Variants in MACROD1 observed in about 807,000 individuals in gnomAD.
The protein encoded by MACROD1 is ADP-ribose glycohydrolase MACROD1.
Under a neutral mutation model 41.4 loss-of-function variants are expected in MACROD1, and 31 were observed. That is an observed-to-expected ratio of 0.75 (90% CI 0.56 to 1.01). The LOEUF is 1.01. Among genes scored for constraint, MACROD1 ranks in the 50% least tolerant of loss-of-function variants. The probability of loss-of-function intolerance (pLI) is 0.00; values close to 1 mark genes in which losing one functional copy is unlikely to be tolerated. For missense variants in MACROD1, 473 were observed against 460.0 expected (o/e 1.03, Z -0.26); for synonymous variants, 252 against 203.4 (o/e 1.24, Z -2.03).
At chr11:64,001,204 A>G in intron 4 of MACROD1, 1 of 572,582 alleles carries the variant, frequency 1.7e-6, no homozygotes. Context: ...GGCCTCAGGC[A>G]GGCCTGGGTC....
At chr11:64,159,320 GAAA>G (rs34061690) in intron 1 of MACROD1, among the ~76,000 whole-genome samples, 11 of 103,958 alleles carry the variant, frequency 1.1e-4, no homozygotes, top group African/African-American at 1.1e-4. Flanking sequence ...CTCCGTCTCA[GAAA>G]AAAAAAAAAA....
At chr11:64,145,395 G>A (rs1216667817) in intron 3 of MACROD1, among the ~76,000 whole-genome samples, 2 of 152,120 alleles carry the variant, frequency 1.3e-5, no homozygotes, top group South Asian at 4.1e-4. Flanking sequence ...ATTATACTCT[G>A]CTTAGTAGCT....
intron 3 of MACROD1, among the ~76,000 whole-genome samples, chr11:64,138,108 G>A (rs1003978661): frequency 4.6e-5 from 7 of 152,226 alleles, no homozygotes; most frequent in Non-Finnish European, 7.3e-5. Context: ...AGGTTCAGGG[G>A]AGAGGTGTAT....
Position 64,152,285 on chromosome 11 carries a change from G to A in MACROD1, c.400+7C>T, listed in dbSNP as rs1945592318. The stretch of plus-strand genomic sequence containing the variant: ...GCCCACCAGGGCCTCCCCCGAGCAG[G>A]GCCTACCTTTCGCCATCTCCTTCCA... On this transcript the variant is annotated splice_region_variant and intron_variant, in intron 2 of 10. Transcript: ENST00000255681. 2 of 1,613,854 alleles carry A rather than the reference G, an allele frequency of 1.2e-6. No homozygotes were observed. The highest frequency in any genetic ancestry group is 1.1e-5 in the South Asian group (1 of 91,084).
chr11:64,028,014 G>A (rs1398547719), intron 3 of MACROD1, among the ~76,000 whole-genome samples: 1 of 152,226 alleles, frequency 6.6e-6, no homozygotes, highest in African/African-American at 2.4e-5. Flanking sequence ...AGGAAGCACC[G>A]TCCTCTGCCT....
At chr11:64,056,336 C>T (rs576962892) in intron 3 of MACROD1, among the ~76,000 whole-genome samples, 6 of 152,240 alleles carry the variant, frequency 3.9e-5, no homozygotes, top group African/African-American at 7.2e-5. Flanking sequence ...CCCGCTACCC[C>T]GCCACTCCCC....
chr11:64,026,354 G>A (rs975168259), intron 3 of MACROD1, among the ~76,000 whole-genome samples: 1 of 152,076 alleles, frequency 6.6e-6, no homozygotes, highest in African/African-American at 2.4e-5. Flanking sequence ...ATGTTCCATG[G>A]TGGAACTACC....
chr11:64,023,633 TG>T, intron 3 of MACROD1, among the ~76,000 whole-genome samples: 1 of 152,004 alleles, frequency 6.6e-6, no homozygotes, highest in Non-Finnish European at 1.5e-5. Context: ...GCTGCTGGGG[TG>T]GTACCCAGCT....
chr11:64,112,468 C>T (rs367592056), intron 3 of MACROD1, among the ~76,000 whole-genome samples: 7 of 152,168 alleles, frequency 4.6e-5, no homozygotes, highest in African/African-American at 7.2e-5. Flanking sequence ...GACCCAAGAT[C>T]GCTCCACTGC....
At chr11:64,152,006 G>A (rs1945586553) in intron 2 of MACROD1, among the ~76,000 whole-genome samples, 1 of 152,188 alleles carries the variant, frequency 6.6e-6, no homozygotes, top group African/African-American at 2.4e-5. Context: ...GTGCATGTCT[G>A]TAATCCCAGC....
intron 3 of MACROD1, among the ~76,000 whole-genome samples, chr11:64,106,019 C>T (rs1193034363): frequency 6.6e-6 from 1 of 152,160 alleles, no homozygotes; most frequent in Non-Finnish European, 1.5e-5. Context: ...GTGAGGATCA[C>T]CTCTGATAGT....
At position 64,000,300 on chromosome 11, in the gene MACROD1, G is replaced by T; in HGVS notation, c.591C>A (p.Asp197Glu). The change falls in exon 5 of 11, where the codon GAC becomes GAA. Residue 197 changes from aspartate (D) to glutamate (E), a missense_variant. Physicochemically the swap from Asp to Glu is conservative, Grantham distance 45. Transcript: ENST00000255681. ...IHRAAGPLLT[D>E]ECRTLQSCKT... ...TACAGCTCTGCAGGGTCCGGCACTCGTCGGTAAGCAGGGGGCCGGCGGCCC... is the reference window on the plus strand; with the variant it reads ...TACAGCTCTGCAGGGTCCGGCACTCTTCGGTAAGCAGGGGGCCGGCGGCCC... 1 of 1,597,356 alleles carries T rather than the reference G, an allele frequency of 6.3e-7. No homozygotes were observed. Among genetic ancestry groups the T allele is most frequent in the Non-Finnish European group, 8.5e-7 (1 of 1,172,740 alleles).
At chr11:64,117,049 C>T (rs1322907558) in intron 3 of MACROD1, 1 of 1,605,216 alleles carries the variant, frequency 6.2e-7, no homozygotes, top group South Asian at 1.1e-5. Flanking sequence ...AATTCGCTGG[C>T]CGCGCCACCC....
intron 3 of MACROD1, among the ~76,000 whole-genome samples, chr11:64,124,160 G>A (rs1397094843): frequency 6.6e-6 from 1 of 152,186 alleles, no homozygotes; most frequent in African/African-American, 2.4e-5. Flanking sequence ...GTGTCCAAGA[G>A]GCACCAAGAA....
intron 3 of MACROD1, among the ~76,000 whole-genome samples, chr11:64,112,582 T>C (rs1331228417): frequency 6.6e-6 from 1 of 152,126 alleles, no homozygotes; most frequent in African/African-American, 2.4e-5. Context: ...TGGTAAATAC[T>C]ATAGGCAAGC....
chr11:64,000,710 T>TCA (rs1565189416), intron 4 of MACROD1, among the ~76,000 whole-genome samples: 1 of 146,854 alleles, frequency 6.8e-6, no homozygotes, highest in African/African-American at 2.5e-5. Context: ...CGGGGAAGCT[T>TCA]CCTCCCCGAC....
At chr11:64,026,326 C>T (rs757730562) in intron 3 of MACROD1, among the ~76,000 whole-genome samples, 4 of 152,168 alleles carry the variant, frequency 2.6e-5, no homozygotes, top group Non-Finnish European at 5.9e-5. Flanking sequence ...CGCTCGGCCT[C>T]GTGTTCACTG....
chr11:64,086,383 C>T (rs917623040), intron 3 of MACROD1, among the ~76,000 whole-genome samples: 1 of 152,052 alleles, frequency 6.6e-6, no homozygotes, highest in Non-Finnish European at 1.5e-5. Context: ...CTTGTGACTA[C>T]CCCCGAGCTC....
At chr11:64,117,978 G>A in intron 3 of MACROD1, 1 of 1,613,814 alleles carries the variant, frequency 6.2e-7, no homozygotes. Context: ...CCTGGTCCTG[G>A]GGGCCATCTG....
Sources: gnomAD v4.1 joint callset for allele counts (sites outside exome capture counted in the v4.1 genomes callset) on GRCh38, gnomAD v4.1.1 for gene constraint, MANE v1.5 for transcripts, NCBI Gene and HGNC (gene_info 2026-07-23, HGNC 2026-07-21) for gene names.